Variants in CACNA1C observed in about 807,000 individuals in gnomAD.
The protein encoded by CACNA1C is voltage-dependent L-type calcium channel subunit alpha-1C.
In CACNA1C, 30 loss-of-function variants were observed where a neutral mutation model predicts 229.0. That is an observed-to-expected ratio of 0.13 (90% CI 0.10 to 0.18). The LOEUF is 0.18. Among genes scored for constraint, CACNA1C ranks in the 10% least tolerant of loss-of-function variants. The probability of loss-of-function intolerance (pLI) is 1.00; values close to 1 mark genes in which losing one functional copy is unlikely to be tolerated. For synonymous variants in CACNA1C, 1,114 were observed against 1,132.5 expected (o/e 0.98, Z 0.33); for missense variants, 1,658 against 2,845.0 (o/e 0.58, Z 9.49).
intron 3 of CACNA1C, among the ~76,000 whole-genome samples, chr12:2,137,408 G>C (rs2093649580): frequency 6.6e-6 from 1 of 150,866 alleles, no homozygotes; most frequent in Non-Finnish European, 1.5e-5. Context: ...AAAAAAAAAA[G>C]TATATATATA....
chr12:2,254,115 G>C (rs2076542720), intron 3 of CACNA1C, among the ~76,000 whole-genome samples: 1 of 152,146 alleles, frequency 6.6e-6, no homozygotes, highest in Admixed American at 6.5e-5. Flanking sequence ...AGTAAAACTT[G>C]ACACAGTCCA....
chr12:2,445,714 A>G (rs1289090011), intron 3 of CACNA1C, among the ~76,000 whole-genome samples: 1 of 152,144 alleles, frequency 6.6e-6, no homozygotes. Context: ...TTATAGGGCA[A>G]TTAAGCAAGA....
Position 2,215,408 on chromosome 12 carries a change from G to A in CACNA1C, c.477+94978G>A, listed in dbSNP as rs2154342812. Among the ~76,000 whole-genome samples the A allele has an allele frequency of 6.6e-6, 1 of 152,178 alleles. No homozygotes were observed. Among genetic ancestry groups the A allele is most frequent in the Admixed American group, 6.5e-5 (1 of 15,284 alleles). On this transcript the variant is annotated intron_variant, in intron 3 of 46. Coordinates refer to ENST00000399655, the MANE Select transcript of CACNA1C (RefSeq NM_000719.7). This position sits in a 1 kb window ranked among gnomAD's most constrained non-coding sequence, Gnocchi z 5.0. ...TGCAGGGCCCAGCATGCCTGTGAGG[G>A]CAAAAGGGTTCTGAGTGGGGCCTGT...
intron 9 of CACNA1C, among the ~76,000 whole-genome samples, chr12:2,522,211 T>G (rs2099811331): frequency 6.6e-6 from 1 of 152,150 alleles, no homozygotes; most frequent in African/African-American, 2.4e-5. Context: ...TACCCACCAG[T>G]CGGTGGGGGT....
intron 3 of CACNA1C, among the ~76,000 whole-genome samples, chr12:2,226,847 A>G (rs111611691): frequency 0.022 from 3,378 of 152,360 alleles, 85 homozygotes; most frequent in African/African-American, 0.056. Flanking sequence ...CTTGAAAAAT[A>G]GCCCATCACA....
At chr12:2,435,667 T>G (rs985187686) in intron 3 of CACNA1C, among the ~76,000 whole-genome samples, 1 of 152,312 alleles carries the variant, frequency 6.6e-6, no homozygotes, top group East Asian at 1.9e-4. Context: ...CTGCAGGCAC[T>G]GGAGGGAGGC....
intron 9 of CACNA1C, among the ~76,000 whole-genome samples, chr12:2,519,069 C>T (rs2099804281): frequency 6.6e-6 from 1 of 152,238 alleles, no homozygotes. Context: ...TTACAGAAGG[C>T]TTCTTGGATA....
At chr12:2,556,724 G>A (rs986859697) in intron 10 of CACNA1C, among the ~76,000 whole-genome samples, 1 of 152,148 alleles carries the variant, frequency 6.6e-6, no homozygotes, top group African/African-American at 2.4e-5. Context: ...TCTGCAGCAA[G>A]GATTGTCTAT....
At chr12:2,564,198 A>C (rs925563479) in intron 11 of CACNA1C, among the ~76,000 whole-genome samples, 8 of 152,154 alleles carry the variant, frequency 5.3e-5, no homozygotes, top group African/African-American at 1.9e-4. Flanking sequence ...CTTACTGCTT[A>C]CTTTAAAAAG....
chr12:2,119,888 G>C (rs1737326693), intron 2 of CACNA1C, among the ~76,000 whole-genome samples: 1 of 152,244 alleles, frequency 6.6e-6, no homozygotes, highest in African/African-American at 2.4e-5. Context: ...AAGTCTCTCT[G>C]TCTTGGAATC....
chr12:2,195,222 C>G (rs2097364856), intron 3 of CACNA1C, among the ~76,000 whole-genome samples: 1 of 152,156 alleles, frequency 6.6e-6, no homozygotes, highest in Non-Finnish European at 1.5e-5. Flanking sequence ...TTTTAGTGTC[C>G]CAAAGCCTCA....
At position 2,348,862 on chromosome 12, in the gene CACNA1C, G is replaced by T. The variant is rs952801595; in HGVS notation, c.478-100114G>T. Among the ~76,000 whole-genome samples the T allele has an allele frequency of 6.6e-6, 1 of 152,160 alleles. No individual in the cohort carries two copies. The highest frequency in any genetic ancestry group is 2.1e-4 in the South Asian group (1 of 4,796). ...CCCGTCATGTCAGCATTCAGAGCCC[G>T]GCAGGAAAAAGCCTCCTTCAAAGTG... On this transcript the variant is annotated intron_variant, in intron 3 of 46. Coordinates refer to ENST00000399655, the MANE Select transcript of CACNA1C (RefSeq NM_000719.7). The surrounding 1 kb of genome is among the most constrained non-coding windows in gnomAD (Gnocchi z 4.7).
chr12:2,544,775 G>A (rs2099877988), intron 9 of CACNA1C, among the ~76,000 whole-genome samples: 1 of 152,216 alleles, frequency 6.6e-6, no homozygotes, highest in Non-Finnish European at 1.5e-5. Flanking sequence ...CGAGAGGTCG[G>A]GTGAATATGG....
At chr12:2,530,501 C>T (rs1459593931) in intron 9 of CACNA1C, among the ~76,000 whole-genome samples, 1 of 152,174 alleles carries the variant, frequency 6.6e-6, no homozygotes, top group African/African-American at 2.4e-5. Context: ...TCTTCTTGCC[C>T]TCAGTGATCA....
intron 7 of CACNA1C, among the ~76,000 whole-genome samples, chr12:2,499,697 G>C (rs1160803437): frequency 1.3e-5 from 2 of 152,178 alleles, no homozygotes; most frequent in Non-Finnish European, 2.9e-5. Context: ...CAGACAATGA[G>C]CTGACTTTCC....
intron 1 of CACNA1C, chr12:1,993,439 G>T (rs768142824): frequency 2.5e-6 from 4 of 1,589,600 alleles, no homozygotes; most frequent in Non-Finnish European, 2.6e-6. Flanking sequence ...AAATTGCTTA[G>T]TATGCTATAT....
chr12:2,323,437 T>C (rs552707973), intron 3 of CACNA1C, among the ~76,000 whole-genome samples: 27 of 152,238 alleles, frequency 1.8e-4, no homozygotes, highest in African/African-American at 4.8e-5. Context: ...GTTTGTGGAA[T>C]AGGAAAATAG....
At position 2,319,912 on chromosome 12, in the gene CACNA1C, T is replaced by C. The variant is rs890208860; in HGVS notation, c.478-129064T>C. On this transcript the variant is annotated intron_variant, in intron 3 of 46. Coordinates refer to ENST00000399655, the MANE Select transcript of CACNA1C (RefSeq NM_000719.7). The surrounding 1 kb of genome is among the most constrained non-coding windows in gnomAD (Gnocchi z 4.0). ...CACATTTCAGGGAAAATGCACATCC[T>C]TCCCAGAGCTGAGGAAGCCCCATGA... Among the ~76,000 whole-genome samples, 4 of 152,110 alleles carry C rather than the reference T, an allele frequency of 2.6e-5. No individual in the cohort carries two copies. The highest frequency in any genetic ancestry group is 9.7e-5 in the African/African-American group (4 of 41,436).
intron 3 of CACNA1C, among the ~76,000 whole-genome samples, chr12:2,297,311 A>T (rs1355671906): frequency 6.6e-6 from 1 of 152,210 alleles, no homozygotes; most frequent in Non-Finnish European, 1.5e-5. Flanking sequence ...TATCCATAGC[A>T]TTGTCTGGGC....
Sources: gnomAD v4.1 joint callset for allele counts (sites outside exome capture counted in the v4.1 genomes callset) on GRCh38, gnomAD v4.1.1 for gene constraint, Gnocchi (gnomAD v3.1) non-coding constraint, MANE v1.5 for transcripts, NCBI Gene and HGNC (gene_info 2026-07-23, HGNC 2026-07-21) for gene names.